IMMP2L: variants seen among roughly 807,000 people sequenced by gnomAD.
IMMP2L encodes the protein mitochondrial inner membrane protease subunit 2.
A neutral mutation model predicts 19.3 loss-of-function variants in IMMP2L; 18 were observed. That is an observed-to-expected ratio of 0.93 (90% CI 0.64 to 1.38). The LOEUF (loss-of-function observed/expected upper bound fraction) is 1.38. Among genes scored for constraint, IMMP2L ranks in the 40% most tolerant of loss-of-function variants. The pLI is 0.00. For missense variants in IMMP2L, 233 were observed against 218.2 expected, an observed-to-expected ratio of 1.07 and a Z score of -0.43; for synonymous variants, 76 against 73.0, an observed-to-expected ratio of 1.04 and a Z score of -0.21.
chr7:111,219,522 T>A (rs1398790866), intron 3 of IMMP2L, among the ~76,000 whole-genome samples: 1 of 152,076 alleles, frequency 6.6e-6, no homozygotes, highest in African/African-American at 2.4e-5. Flanking sequence ...TTAGCTCTAA[T>A]GATATCATAA....
chr7:110,806,510 C>T (rs886905848), intron 5 of IMMP2L, among the ~76,000 whole-genome samples: 4 of 151,924 alleles, frequency 2.6e-5, no homozygotes, highest in Admixed American at 6.6e-5. Flanking sequence ...TCCCTATTAT[C>T]TTGCACTTTA....
intron 3 of IMMP2L, among the ~76,000 whole-genome samples, chr7:111,438,907 A>T (rs1462492874): frequency 6.6e-6 from 1 of 151,930 alleles, no homozygotes; most frequent in African/African-American, 2.4e-5. Context: ...AAAATTCAAC[A>T]AAGTTTTGTC....
At chr7:110,971,895 G>T (rs1402233304) in intron 3 of IMMP2L, among the ~76,000 whole-genome samples, 1 of 152,016 alleles carries the variant, frequency 6.6e-6, no homozygotes, top group Admixed American at 6.6e-5. Context: ...ACTGAGTTAG[G>T]TGTATGTGTG....
At chr7:111,263,624 T>C (rs1315349996) in intron 3 of IMMP2L, among the ~76,000 whole-genome samples, 2 of 152,118 alleles carry the variant, frequency 1.3e-5, no homozygotes, top group East Asian at 3.9e-4. Flanking sequence ...GTCATCAGCA[T>C]ATCAATGGTA....
At chr7:111,040,956 G>A (rs966060323) in intron 3 of IMMP2L, among the ~76,000 whole-genome samples, 2 of 151,540 alleles carry the variant, frequency 1.3e-5, no homozygotes, top group Non-Finnish European at 2.9e-5. Context: ...CTATTACTTG[G>A]CTCAAATATT....
At chr7:111,178,188 A>AT in intron 3 of IMMP2L, among the ~76,000 whole-genome samples, 1 of 152,024 alleles carries the variant, frequency 6.6e-6, no homozygotes, top group East Asian at 1.9e-4. Flanking sequence ...AGTCATATAA[A>AT]TTTTTTGTTT....
intron 3 of IMMP2L, among the ~76,000 whole-genome samples, chr7:111,251,165 C>A (rs951741910): frequency 6.6e-6 from 1 of 152,150 alleles, no homozygotes; most frequent in Non-Finnish European, 1.5e-5. Context: ...CATCACTCAT[C>A]ATTAGAGAAA....
At chr7:111,276,916 T>C (rs894788779) in intron 3 of IMMP2L, among the ~76,000 whole-genome samples, 9 of 152,052 alleles carry the variant, frequency 5.9e-5, no homozygotes, top group African/African-American at 1.9e-4. Context: ...AATAGCCACA[T>C]GCAGAAGAAT....
At chr7:110,714,889 C>G (rs1388517086) in intron 5 of IMMP2L, among the ~76,000 whole-genome samples, 1 of 152,166 alleles carries the variant, frequency 6.6e-6, no homozygotes, top group East Asian at 1.9e-4. Context: ...ACCACTGCAT[C>G]CAGCCTCTGG....
intron 4 of IMMP2L, among the ~76,000 whole-genome samples, chr7:110,959,086 AT>A (rs1466445312): frequency 6.6e-6 from 1 of 151,952 alleles, no homozygotes; most frequent in East Asian, 1.9e-4. Context: ...GATTGGATTA[AT>A]CCTTCAATTA....
rs1371769342 is a variant in IMMP2L, at chr7:111,234,756, T to C, written c.239+252482A>G. 2.0e-5 allele frequency among the ~76,000 whole-genome samples: 3 copies of C among 152,192 alleles called. No homozygotes were observed. The East Asian group carries it at 5.8e-4, about 29-fold the overall frequency. On this transcript the variant is annotated intron_variant, in intron 3 of 5. Coordinates refer to ENST00000405709, the MANE Select transcript of IMMP2L (RefSeq NM_032549.4). ...TGTTGTTTTAGTGGTTGGTTCACAG[T>C]TTATACCTTTAATTTATCATGAACT... is the stretch of plus-strand genomic sequence containing the variant.
chr7:111,543,858 C>CT (rs766155423), intron 1 of IMMP2L, among the ~76,000 whole-genome samples: 3 of 152,114 alleles, frequency 2.0e-5, no homozygotes, highest in Non-Finnish European at 4.4e-5. Context: ...ACAGAAAATA[C>CT]TTTTCTTCAG....
At chr7:111,385,184 T>C (rs1831611792) in intron 3 of IMMP2L, among the ~76,000 whole-genome samples, 1 of 152,024 alleles carries the variant, frequency 6.6e-6, no homozygotes, top group Non-Finnish European at 1.5e-5. Context: ...GGGTACAGTT[T>C]TGAATAAGAT....
At chr7:111,154,245 T>G (rs1384523495) in intron 3 of IMMP2L, among the ~76,000 whole-genome samples, 1 of 152,110 alleles carries the variant, frequency 6.6e-6, no homozygotes, top group East Asian at 1.9e-4. Flanking sequence ...TAATAGATAT[T>G]TCTAAAACCC....
intron 3 of IMMP2L, among the ~76,000 whole-genome samples, chr7:111,305,364 T>C (rs1822750944): frequency 6.6e-6 from 1 of 152,126 alleles, no homozygotes; most frequent in Non-Finnish European, 1.5e-5. Flanking sequence ...AGTCTCACTT[T>C]GTCACCCAGG....
chr7:110,897,963 G>C (rs1811490132), intron 4 of IMMP2L, among the ~76,000 whole-genome samples: 1 of 151,822 alleles, frequency 6.6e-6, no homozygotes, highest in Admixed American at 6.6e-5. Flanking sequence ...GTTGACATGG[G>C]TGAAGGATGA....
intron 3 of IMMP2L, among the ~76,000 whole-genome samples, chr7:111,317,572 A>C (rs540624275): frequency 6.6e-6 from 1 of 152,258 alleles, no homozygotes; most frequent in Admixed American, 6.5e-5. Context: ...TCAAAGGTCT[A>C]AAAATTAAAG....
At chr7:111,256,697 A>G (rs1001944572) in intron 3 of IMMP2L, among the ~76,000 whole-genome samples, 1 of 152,060 alleles carries the variant, frequency 6.6e-6, no homozygotes, top group Admixed American at 6.6e-5. Flanking sequence ...CCACAGGATA[A>G]TCATAAGATT....
chr7:111,555,105 A>G (rs948926004), intron 1 of IMMP2L, among the ~76,000 whole-genome samples: 4 of 152,082 alleles, frequency 2.6e-5, no homozygotes, highest in Non-Finnish European at 5.9e-5. Context: ...CCTGCCATAT[A>G]TATCTTTGTA....
Sources: gnomAD v4.1 joint callset for allele counts (sites outside exome capture counted in the v4.1 genomes callset) on GRCh38, gnomAD v4.1.1 for gene constraint, MANE v1.5 for transcripts, NCBI Gene and HGNC (gene_info 2026-07-23, HGNC 2026-07-21) for gene names.